Variants in RUNX1 observed in about 807,000 individuals in gnomAD.
The protein encoded by RUNX1 is RUNX family transcription factor 1, also known as runt-related transcription factor 1.
Under a neutral mutation model 42.8 loss-of-function variants are expected in RUNX1, and 19 were observed. The ratio of observed to expected loss-of-function variants is 0.44; its 90% CI spans 0.31 to 0.65. The LOEUF (loss-of-function observed/expected upper bound fraction) is 0.65, where lower values mean the gene tolerates loss of function less well. RUNX1 is among the 30% of genes least tolerant of loss of function. The probability of loss-of-function intolerance (pLI) is 0.07; values close to 1 mark genes in which losing one functional copy is unlikely to be tolerated. For missense variants in RUNX1, 528 were observed against 672.0 expected, an observed-to-expected ratio of 0.79 and a Z score of 2.37; for synonymous variants, 271 against 289.4, an observed-to-expected ratio of 0.94 and a Z score of 0.64.
intron 6 of RUNX1, among the ~76,000 whole-genome samples, chr21:34,854,214 C>T (rs973779779): frequency 2.0e-5 from 3 of 152,168 alleles, no homozygotes; most frequent in Non-Finnish European, 2.9e-5. Flanking sequence ...GTTTGCTATA[C>T]ACACTCAAAG....
chr21:34,840,302 C>A (rs1445613317), intron 6 of RUNX1, among the ~76,000 whole-genome samples: 1 of 152,184 alleles, frequency 6.6e-6, no homozygotes, highest in Non-Finnish European at 1.5e-5. Flanking sequence ...AATCCTCCTC[C>A]CCTCTAGAGA....
At chr21:34,911,657 T>A (rs2146524724) in intron 2 of RUNX1, among the ~76,000 whole-genome samples, 1 of 152,222 alleles carries the variant, frequency 6.6e-6, no homozygotes, top group Non-Finnish European at 1.5e-5. Context: ...GTGTCTCTCC[T>A]CCACCCAAAC....
chr21:34,892,616 T>C (rs1440956372), intron 3 of RUNX1, among the ~76,000 whole-genome samples: 2 of 152,194 alleles, frequency 1.3e-5, no homozygotes, highest in Non-Finnish European at 2.9e-5. Flanking sequence ...AGCTGGGCTG[T>C]GAGGGAAGCC....
At chr21:34,942,914 G>A (rs772751556) in intron 2 of RUNX1, among the ~76,000 whole-genome samples, 18 of 152,160 alleles carry the variant, frequency 1.2e-4, no homozygotes, top group Non-Finnish European at 2.2e-4. Flanking sequence ...CTTTCTCCCC[G>A]GACCAGATGC....
chr21:34,987,306 G>C (rs2058896167), intron 2 of RUNX1, among the ~76,000 whole-genome samples: 1 of 152,216 alleles, frequency 6.6e-6, no homozygotes. Flanking sequence ...CATGTAGCCA[G>C]TTGCTGAGGA....
intron 2 of RUNX1, among the ~76,000 whole-genome samples, chr21:34,993,546 G>GAC (rs148086448): frequency 0.2 from 20,387 of 102,846 alleles, 2,286 homozygotes; most frequent in Middle Eastern, 0.32. Context: ...GGCACACACA[G>GAC]ACACACACAC....
intron 2 of RUNX1, among the ~76,000 whole-genome samples, chr21:34,893,783 T>TAA (rs545585960): frequency 0.078 from 11,574 of 149,022 alleles, 642 homozygotes; most frequent in African/African-American, 0.16. Flanking sequence ...TTTTTTTTTT[T>TAA]AAAAAAAAAC....
chr21:34,917,805 C>T (rs139556109), intron 2 of RUNX1, among the ~76,000 whole-genome samples: 344 of 152,180 alleles, frequency 2.3e-3, no homozygotes, highest in African/African-American at 7.8e-3. Context: ...GGACCCTAAA[C>T]GCATAAACAG....
intron 2 of RUNX1, among the ~76,000 whole-genome samples, chr21:34,996,119 A>G (rs34159724): frequency 0.14 from 20,897 of 152,122 alleles, 1,571 homozygotes; most frequent in Admixed American, 0.21. Flanking sequence ...CAGACTTGGG[A>G]GGACCATGAG....
chr21:34,969,969 C>A (rs982767110), intron 2 of RUNX1, among the ~76,000 whole-genome samples: 1 of 152,200 alleles, frequency 6.6e-6, no homozygotes, highest in Non-Finnish European at 1.5e-5. Context: ...ACATTTCTTG[C>A]AGTGACCATG....
At chr21:34,915,691 G>C (rs1253978621) in intron 2 of RUNX1, among the ~76,000 whole-genome samples, 2 of 152,306 alleles carry the variant, frequency 1.3e-5, no homozygotes, top group East Asian at 3.9e-4. Flanking sequence ...TGTCAGACCA[G>C]AGGAATAAGT....
chr21:35,014,911 G>C (rs2146924858), intron 2 of RUNX1, among the ~76,000 whole-genome samples: 1 of 152,308 alleles, frequency 6.6e-6, no homozygotes, highest in Non-Finnish European at 1.5e-5. Flanking sequence ...ATCAGAGCCT[G>C]GTCTTCCCTC....
chr21:34,941,046 C>T (rs879705777), intron 2 of RUNX1, among the ~76,000 whole-genome samples: 2 of 152,204 alleles, frequency 1.3e-5, no homozygotes, highest in Non-Finnish European at 2.9e-5. Context: ...GGTCTTTCCT[C>T]AGGTTCCTGT....
At chr21:34,987,478 G>T (rs2146814752) in intron 2 of RUNX1, among the ~76,000 whole-genome samples, 1 of 152,308 alleles carries the variant, frequency 6.6e-6, no homozygotes, top group African/African-American at 2.4e-5. Context: ...ACCCGAAAGA[G>T]AAAGTGAGGG....
At chr21:34,846,268 G>C (rs572876634) in intron 6 of RUNX1, among the ~76,000 whole-genome samples, 76 of 137,476 alleles carry the variant, frequency 5.5e-4, no homozygotes, top group Non-Finnish European at 8.7e-4. Context: ...CCCCTACTTA[G>C]AGCATGTCAC....
chr21:34,993,550 CACACACAGGCACAG>C (rs1207570568), intron 2 of RUNX1, among the ~76,000 whole-genome samples: 1 of 150,462 alleles, frequency 6.6e-6, no homozygotes, highest in East Asian at 2.0e-4. Context: ...CACACAGACA[CACACACAGGCACAG>C]ACACACACAG....
Position 34,799,571 on chromosome 21 carries a change from G to A in RUNX1, c.806-109C>T, listed in dbSNP as rs139515939. On this transcript the variant is annotated intron_variant, in intron 7 of 8. Coordinates refer to ENST00000675419, the MANE Select transcript of RUNX1 (RefSeq NM_001754.5). Reference sequence around the variant, plus strand: ...GTTCAAATATGTCACATACATGTATGTGGCCTATGTACCAGGGTTTAATAA... The same window carrying A: ...GTTCAAATATGTCACATACATGTATATGGCCTATGTACCAGGGTTTAATAA... 3.3e-4 allele frequency: 310 copies of A among 931,004 alleles called. 1 individual carries two copies. The African/African-American group carries it at 3.8e-3, about 11-fold the overall frequency. The allele number at this position is 931,004 out of a possible 1,614,324, so 57.7% of individuals were successfully genotyped here.
At chr21:34,927,339 C>T (rs1406523305) in intron 2 of RUNX1, among the ~76,000 whole-genome samples, 1 of 152,190 alleles carries the variant, frequency 6.6e-6, no homozygotes, top group Non-Finnish European at 1.5e-5. Flanking sequence ...TGTGATTTCT[C>T]TGGACTCGCA....
intron 6 of RUNX1, among the ~76,000 whole-genome samples, chr21:34,858,780 G>A (rs1243603018): frequency 6.6e-6 from 1 of 152,186 alleles, no homozygotes; most frequent in Non-Finnish European, 1.5e-5. Context: ...TTCTGGAAAA[G>A]AGCGTTACTC....
Sources: allele counts gnomAD v4.1 joint callset (sites outside exome capture counted in the v4.1 genomes callset), GRCh38; gene constraint gnomAD v4.1.1; transcripts MANE v1.5; gene names NCBI Gene and HGNC (gene_info 2026-07-23, HGNC 2026-07-21).